The following BRINP3 variants were observed in gnomAD, a reference collection of about 807,000 sequenced individuals.
The protein encoded by BRINP3 is BMP/retinoic acid-inducible neural-specific protein 3.
In BRINP3, 19 loss-of-function variants were observed where a neutral mutation model predicts 71.0. The ratio of observed to expected loss-of-function variants is 0.27; its 90% CI spans 0.19 to 0.39. BRINP3 has a LOEUF of 0.39. Among genes scored for constraint, BRINP3 ranks in the 10% least tolerant of loss-of-function variants. The probability of loss-of-function intolerance (pLI) is 1.00; values close to 1 mark genes in which losing one functional copy is unlikely to be tolerated. For synonymous variants in BRINP3, 380 were observed against 337.7 expected (o/e 1.13, Z -1.37); for missense variants, 959 against 940.8 (o/e 1.02, Z -0.25).
chr1:190,297,729 A>T (rs906697853), intron 2 of BRINP3, among the ~76,000 whole-genome samples: 10 of 151,700 alleles, frequency 6.6e-5, no homozygotes, highest in African/African-American at 2.4e-4. Flanking sequence ...AATAAACTCC[A>T]CCTGGTCATG....
chr1:190,395,909 C>T (rs1671535919), intron 2 of BRINP3, among the ~76,000 whole-genome samples: 1 of 151,656 alleles, frequency 6.6e-6, no homozygotes, highest in Admixed American at 6.6e-5. Flanking sequence ...TCCCTTCTAA[C>T]ACCTTCACAG....
intron 7 of BRINP3, among the ~76,000 whole-genome samples, chr1:190,125,199 A>T (rs10800902): frequency 0.053 from 7,999 of 152,052 alleles, 707 homozygotes; most frequent in African/African-American, 0.18. Flanking sequence ...AGCATTAAAA[A>T]ATAAAACAGA....
chr1:190,193,944 A>G (rs887298880), intron 6 of BRINP3, among the ~76,000 whole-genome samples: 1 of 152,034 alleles, frequency 6.6e-6, no homozygotes, highest in Admixed American at 6.6e-5. Context: ...TTTCCCCTAA[A>G]TTATCCTCCG....
In BRINP3 at chr1:190,339,084, A is replaced by T. The variant is rs74129302; in HGVS notation, c.237-57334T>A. On this transcript the variant is annotated intron_variant, in intron 2 of 7. Transcript: ENST00000367462. ...TTTTTTCTTCAGCTTTCAGTGCAGA[A>T]ACTAGGCAGCACACACATAATATTG... Among the ~76,000 whole-genome samples, 1,090 of 152,040 alleles carry T rather than the reference A, an allele frequency of 7.2e-3. 16 individuals are homozygous for T. Among genetic ancestry groups the T allele is most frequent in the African/African-American group, 0.025 (1,021 of 41,530 alleles).
At chr1:190,446,686 A>G (rs932103124) in intron 2 of BRINP3, among the ~76,000 whole-genome samples, 2 of 152,090 alleles carry the variant, frequency 1.3e-5, no homozygotes, top group African/African-American at 2.4e-5. Flanking sequence ...TTTATAGCTC[A>G]AAGGATCTAC....
At chr1:190,250,831 A>G (rs563321594) in intron 4 of BRINP3, among the ~76,000 whole-genome samples, 1 of 152,074 alleles carries the variant, frequency 6.6e-6, no homozygotes, top group Admixed American at 6.6e-5. Context: ...AAATACATAA[A>G]TTCACCAGAT....
At chr1:190,165,611 T>C (rs1034139385) in intron 6 of BRINP3, among the ~76,000 whole-genome samples, 1 of 151,756 alleles carries the variant, frequency 6.6e-6, no homozygotes, top group East Asian at 1.9e-4. Flanking sequence ...GAACACCCTC[T>C]AATAAAGCTA....
chr1:190,182,861 C>T (rs776325347), intron 6 of BRINP3, among the ~76,000 whole-genome samples: 6 of 152,106 alleles, frequency 3.9e-5, no homozygotes, highest in African/African-American at 9.7e-5. Context: ...TAATCAATTA[C>T]GCCTTTGTGA....
At chr1:190,335,455 A>T (rs1411138335) in intron 2 of BRINP3, among the ~76,000 whole-genome samples, 1 of 151,846 alleles carries the variant, frequency 6.6e-6, no homozygotes, top group Admixed American at 6.6e-5. Context: ...TTTTACTTAC[A>T]TGTAGATGTT....
intron 2 of BRINP3, among the ~76,000 whole-genome samples, chr1:190,355,213 A>T (rs1226476897): frequency 6.6e-6 from 1 of 151,924 alleles, no homozygotes; most frequent in Non-Finnish European, 1.5e-5. Context: ...ACACTGGAAA[A>T]CATCAGGGAA....
intron 2 of BRINP3, among the ~76,000 whole-genome samples, chr1:190,284,741 A>G (rs983363727): frequency 9.2e-5 from 14 of 152,058 alleles, no homozygotes; most frequent in Admixed American, 9.2e-4. Context: ...CACCCCATCT[A>G]TTAATCTATT....
intron 6 of BRINP3, among the ~76,000 whole-genome samples, chr1:190,173,837 G>A (rs1652247587): frequency 6.6e-6 from 1 of 152,066 alleles, no homozygotes; most frequent in East Asian, 1.9e-4. Flanking sequence ...TTCAAATTTT[G>A]CAAACCTCTT....
At chr1:190,253,959 G>T (rs934277448) in intron 4 of BRINP3, among the ~76,000 whole-genome samples, 21 of 152,058 alleles carry the variant, frequency 1.4e-4, no homozygotes, top group Non-Finnish European at 2.5e-4. Flanking sequence ...TGTAAGGAAG[G>T]GATCCAGTTT....
At chr1:190,432,456 T>C (rs936650206) in intron 2 of BRINP3, among the ~76,000 whole-genome samples, 5 of 152,314 alleles carry the variant, frequency 3.3e-5, no homozygotes, top group Middle Eastern at 3.4e-3. Context: ...AATACAAAAG[T>C]GAAATCCATG....
At chr1:190,184,644 C>A (rs1046527072) in intron 6 of BRINP3, among the ~76,000 whole-genome samples, 1 of 152,094 alleles carries the variant, frequency 6.6e-6, no homozygotes, top group Non-Finnish European at 1.5e-5. Context: ...AAAAAAAATA[C>A]TTTGTCTTCT....
chr1:190,373,168 T>C (rs1188373340), intron 2 of BRINP3, among the ~76,000 whole-genome samples: 1 of 152,080 alleles, frequency 6.6e-6, no homozygotes, highest in Non-Finnish European at 1.5e-5. Context: ...GGTGGGTTGA[T>C]CGCCTGAGGT....
chr1:190,335,538 ATATT>A (rs1163708868), intron 2 of BRINP3, among the ~76,000 whole-genome samples: 1 of 151,810 alleles, frequency 6.6e-6, no homozygotes, highest in Non-Finnish European at 1.5e-5. Flanking sequence ...AGTTTGATGA[ATATT>A]TAGTATCAGG....
chr1:190,379,456 A>C (rs1670380487), intron 2 of BRINP3, among the ~76,000 whole-genome samples: 1 of 152,166 alleles, frequency 6.6e-6, no homozygotes, highest in Non-Finnish European at 1.5e-5. Flanking sequence ...TAACTTAAAA[A>C]GTAGGAGATT....
chr1:190,342,004 T>C (rs2103114094), intron 2 of BRINP3, among the ~76,000 whole-genome samples: 1 of 79,744 alleles, frequency 1.3e-5, no homozygotes, highest in Admixed American at 1.7e-4. Flanking sequence ...GTGGAGGCCC[T>C]ATTTCTGTGT....
Sources: gnomAD v4.1 joint callset for allele counts (sites outside exome capture counted in the v4.1 genomes callset) on GRCh38, gnomAD v4.1.1 for gene constraint, MANE v1.5 for transcripts, NCBI Gene and HGNC (gene_info 2026-07-23, HGNC 2026-07-21) for gene names.